The following PTCHD4 variants were observed in gnomAD, a reference collection of about 807,000 sequenced individuals.
The protein encoded by PTCHD4 is patched domain containing 4.
In PTCHD4, 33 loss-of-function variants were observed where a neutral mutation model predicts 58.1. That is an observed-to-expected ratio of 0.57 (90% CI 0.43 to 0.76). PTCHD4 has a LOEUF of 0.76. Among genes scored for constraint, PTCHD4 ranks in the 30% least tolerant of loss-of-function variants. The pLI is 0.00. For missense variants in PTCHD4, 1,058 were observed against 1,027.1 expected, an observed-to-expected ratio of 1.03 and a Z score of -0.41; for synonymous variants, 478 against 409.6, an observed-to-expected ratio of 1.17 and a Z score of -2.02.
intron 4 of PTCHD4, among the ~76,000 whole-genome samples, chr6:47,967,055 G>A (rs575897972): frequency 1.3e-5 from 2 of 152,198 alleles, no homozygotes; most frequent in South Asian, 2.1e-4. Flanking sequence ...AATTTACTTT[G>A]CCCAGATTCA....
chr6:47,953,090 G>GATT (rs1766716393), intron 4 of PTCHD4, among the ~76,000 whole-genome samples: 5 of 152,062 alleles, frequency 3.3e-5, no homozygotes, highest in African/African-American at 7.2e-5. Flanking sequence ...TGATGATGAT[G>GATT]ATGACGACAC....
chr6:48,008,133 G>A (rs1462937549), intron 4 of PTCHD4, among the ~76,000 whole-genome samples: 2 of 152,148 alleles, frequency 1.3e-5, no homozygotes, highest in African/African-American at 4.8e-5. Flanking sequence ...ACAGAGGTAG[G>A]GGAATGGAGT....
chr6:48,035,469 A>T (rs1024923359), intron 3 of PTCHD4, among the ~76,000 whole-genome samples: 24 of 152,144 alleles, frequency 1.6e-4, no homozygotes, highest in Non-Finnish European at 1.5e-5. Flanking sequence ...TTAAAAAATT[A>T]TGAATCAGAA....
At position 47,878,421 on chromosome 6, in the gene PTCHD4, G is replaced by C. The variant is rs569279083; in HGVS notation, c.2414C>G (p.Thr805Arg). The change falls in exon 5 of 5, where the codon ACG (threonine) becomes AGG (arginine). Residue 805 changes from threonine (T) to arginine (R), a missense_variant. Coordinates refer to ENST00000339488, the MANE Select transcript of PTCHD4 (RefSeq NM_001384253.1). The stretch of plus-strand genomic sequence containing the variant: ...GTGCTTTTTGGAAGGGGGGAAAAAC[G>C]TTAGGAACACAGGTAAAATAACAAA... ...HCFVILPVFLTFFPPSKKHHK... is the reference protein window; with the variant it reads ...HCFVILPVFLRFFPPSKKHHK... 1 of 1,613,442 alleles carries C rather than the reference G, an allele frequency of 6.2e-7. No homozygotes were observed. The highest frequency in any genetic ancestry group is 1.7e-4 in the Middle Eastern group (1 of 6,054).
In PTCHD4 at chr6:47,967,712, G is replaced by C. The variant is rs150838140; in HGVS notation, c.898+40922C>G. Among the ~76,000 whole-genome samples the C allele has an allele frequency of 1.6e-3, 247 of 152,280 alleles. 1 individual carries two copies. Among genetic ancestry groups the C allele is most frequent in the African/African-American group, 5.5e-3 (229 of 41,554 alleles). ...GTACCAGCACTTATTGCTTCATCTT[G>C]CACTTTTATGTTATGGAAACATCTT... On this transcript the variant is annotated intron_variant, in intron 4 of 4. Transcript: ENST00000339488.
chr6:47,962,485 T>C (rs1193317213), intron 4 of PTCHD4, among the ~76,000 whole-genome samples: 8 of 152,060 alleles, frequency 5.3e-5, no homozygotes, highest in Non-Finnish European at 1.2e-4. Context: ...TGGAGATAAT[T>C]GAATCATGCA....
At chr6:48,092,611 C>A (rs770269553) in intron 1 of PTCHD4, among the ~76,000 whole-genome samples, 6 of 152,160 alleles carry the variant, frequency 3.9e-5, no homozygotes, top group Non-Finnish European at 8.8e-5. Context: ...GTCTTGACAT[C>A]TTAATCAATG....
At chr6:47,951,087 C>A (rs976708376) in intron 4 of PTCHD4, among the ~76,000 whole-genome samples, 1 of 152,042 alleles carries the variant, frequency 6.6e-6, no homozygotes, top group African/African-American at 2.4e-5. Flanking sequence ...GTGATTTTTG[C>A]AAGGGGATGA....
rs1404542269 is a variant in PTCHD4, at chr6:47,879,095, TG to T, written c.1739del (p.Pro580GlnfsTer47). The T allele has an allele frequency of 1.2e-6, 2 of 1,613,140 alleles. No homozygotes were observed. The highest frequency in any genetic ancestry group is 2.2e-5 in the South Asian group (2 of 91,074). On this transcript the variant is annotated frameshift_variant, in exon 5 of 5. Transcript: ENST00000339488. LOFTEE classifies it high-confidence loss of function. The part of the protein sequence containing the change: ...SVLQSSFLKK[P>X]EFQHFRNDII... ...TATCATTTCGAAAATGCTGGAATTCTGGCTTTTTTAAAAATGAGCTTTGCAG... is the reference window on the plus strand; with the variant it reads ...TATCATTTCGAAAATGCTGGAATTCTGCTTTTTTAAAAATGAGCTTTGCAG...
At chr6:48,105,722 AAG>A (rs1186577174) in intron 1 of PTCHD4, among the ~76,000 whole-genome samples, 2 of 152,180 alleles carry the variant, frequency 1.3e-5, no homozygotes, top group South Asian at 2.1e-4. Flanking sequence ...TAAAGAAGAA[AAG>A]AGAGAAGAAT....
chr6:48,057,283 G>A (rs1582089271), intron 3 of PTCHD4, among the ~76,000 whole-genome samples: 1 of 150,552 alleles, frequency 6.6e-6, no homozygotes, highest in Non-Finnish European at 1.5e-5. Flanking sequence ...ATGTCTTTCT[G>A]TAGCCAGAGC....
rs958450695 is a variant in PTCHD4, at chr6:48,001,603, T to G, written c.898+7031A>C. Among the ~76,000 whole-genome samples, 26 of 152,304 alleles carry G rather than the reference T, an allele frequency of 1.7e-4. No individual in the cohort carries two copies. In the South Asian group the frequency reaches 3.1e-3, roughly 18 times the overall value. On this transcript the variant is annotated intron_variant, in intron 4 of 4. Coordinates refer to ENST00000339488, the MANE Select transcript of PTCHD4 (RefSeq NM_001384253.1). Reference sequence around the variant, plus strand: ...CCCTTCCTTACACCTTATACAAAAATTAATTCAAGACGTATTAAAGACCTA... The same window carrying G: ...CCCTTCCTTACACCTTATACAAAAAGTAATTCAAGACGTATTAAAGACCTA...
intron 1 of PTCHD4, among the ~76,000 whole-genome samples, chr6:48,093,809 T>C (rs894450563): frequency 6.6e-6 from 1 of 152,144 alleles, no homozygotes; most frequent in South Asian, 2.1e-4. Context: ...ATAGGGATGA[T>C]GGGAAGGTCA....
rs528760940 is a variant in PTCHD4, at chr6:47,872,333, C to G, written c.*5970G>C. Among the ~76,000 whole-genome samples the G allele has an allele frequency of 6.6e-6, 1 of 151,736 alleles. No homozygotes were observed. Among genetic ancestry groups the G allele is most frequent in the East Asian group, 1.9e-4 (1 of 5,132 alleles). On this transcript the variant is annotated 3_prime_UTR_variant, in exon 5 of 5. Coordinates refer to ENST00000339488, the MANE Select transcript of PTCHD4 (RefSeq NM_001384253.1). ...TCTTCCAAAGCATTAGAATTTTTTT[C>G]CCCCTCTGGTTTGACAGAGCCTTGT...
At chr6:47,946,259 T>C (rs772962345) in intron 4 of PTCHD4, among the ~76,000 whole-genome samples, 26 of 152,188 alleles carry the variant, frequency 1.7e-4, no homozygotes, top group Non-Finnish European at 3.4e-4. Context: ...CTGCTTTTTT[T>C]CTGCTACATT....
At chr6:47,986,097 G>C (rs1477790098) in intron 4 of PTCHD4, among the ~76,000 whole-genome samples, 1 of 152,106 alleles carries the variant, frequency 6.6e-6, no homozygotes, top group Non-Finnish European at 1.5e-5. Context: ...CCTGTTTGTA[G>C]AACTTTTGTC....
At chr6:48,036,192 CAG>C (rs1481681175) in intron 3 of PTCHD4, among the ~76,000 whole-genome samples, 2 of 151,812 alleles carry the variant, frequency 1.3e-5, no homozygotes, top group African/African-American at 4.8e-5. Context: ...TGTGTATAAG[CAG>C]AGAGATACTT....
intron 4 of PTCHD4, among the ~76,000 whole-genome samples, chr6:47,953,379 G>A (rs1766729004): frequency 6.6e-6 from 1 of 152,108 alleles, no homozygotes; most frequent in Admixed American, 6.5e-5. Context: ...TTATCTCTGA[G>A]TTTAGATGAG....
intron 4 of PTCHD4, among the ~76,000 whole-genome samples, chr6:47,953,920 A>T (rs1331727955): frequency 6.6e-6 from 1 of 152,212 alleles, no homozygotes; most frequent in South Asian, 2.1e-4. Context: ...TGTGGCAAAT[A>T]GTTACATCCT....
Sources: gnomAD v4.1 joint callset for allele counts (sites outside exome capture counted in the v4.1 genomes callset) on GRCh38, gnomAD v4.1.1 for gene constraint, MANE v1.5 for transcripts, NCBI Gene and HGNC (gene_info 2026-07-23, HGNC 2026-07-21) for gene names.